Variants in KIAA1549L observed in about 807,000 individuals in gnomAD.
The protein encoded by KIAA1549L is KIAA1549 like.
Under a neutral mutation model 160.7 loss-of-function variants are expected in KIAA1549L, and 88 were observed. The observed-to-expected ratio is 0.55, with a 90% confidence interval of 0.46 to 0.65. KIAA1549L has a LOEUF of 0.65. Ranked by LOEUF, KIAA1549L falls within the 30% of genes least tolerant of loss-of-function variation. The pLI is 0.00. For synonymous variants in KIAA1549L, 950 were observed against 976.7 expected (o/e 0.97, Z 0.51); for missense variants, 2,258 against 2,437.5 (o/e 0.93, Z 1.55).
intron 1 of KIAA1549L, among the ~76,000 whole-genome samples, chr11:33,537,439 T>C (rs1349176261): frequency 6.6e-6 from 1 of 151,766 alleles, no homozygotes; most frequent in Non-Finnish European, 1.5e-5. Flanking sequence ...AGATGGAAGG[T>C]AGAAAAGGAG....
At chr11:33,462,299 T>C (rs188223851) in intron 1 of KIAA1549L, among the ~76,000 whole-genome samples, 1 of 152,248 alleles carries the variant, frequency 6.6e-6, no homozygotes, top group Non-Finnish European at 1.5e-5. Flanking sequence ...GTTACATTCA[T>C]GGACTACATG....
In KIAA1549L at chr11:33,401,308, G is replaced by T. The variant is rs1270823503; in HGVS notation, c.238+24419G>T. Among the ~76,000 whole-genome samples the T allele has an allele frequency of 4.1e-5, 6 of 146,226 alleles. No homozygotes were observed. The East Asian group carries it at 7.9e-4, about 19-fold the overall frequency. On this transcript the variant is annotated intron_variant, in intron 1 of 20. Transcript: ENST00000658780. ...ATATTTATATATAAAATATATAATA[G>T]ATATAAAATATACATATATTTGAAG...
At chr11:33,523,593 A>G (rs910896400) in intron 1 of KIAA1549L, among the ~76,000 whole-genome samples, 6 of 152,216 alleles carry the variant, frequency 3.9e-5, no homozygotes, top group Admixed American at 1.3e-4. Flanking sequence ...TCATGTACCA[A>G]TGTAGATGGT....
chr11:33,608,371 A>G (rs903067842), intron 14 of KIAA1549L, among the ~76,000 whole-genome samples: 10 of 152,278 alleles, frequency 6.6e-5, no homozygotes, highest in African/African-American at 1.2e-4. Context: ...CAGCCAGTGA[A>G]GAAAGATCAT....
intron 1 of KIAA1549L, among the ~76,000 whole-genome samples, chr11:33,533,668 G>T (rs1036142805): frequency 1.3e-5 from 2 of 152,130 alleles, no homozygotes; most frequent in Non-Finnish European, 2.9e-5. Flanking sequence ...AGCTTGTCTG[G>T]CTCAGACAAG....
intron 1 of KIAA1549L, among the ~76,000 whole-genome samples, chr11:33,530,385 G>T (rs1332263602): frequency 7.5e-6 from 1 of 133,242 alleles, no homozygotes; most frequent in Non-Finnish European, 1.6e-5. Flanking sequence ...CTGGGCAACA[G>T]AGCGAGACTC....
intron 15 of KIAA1549L, among the ~76,000 whole-genome samples, chr11:33,610,577 A>G (rs1850622897): frequency 6.6e-6 from 1 of 152,228 alleles, no homozygotes; most frequent in Non-Finnish European, 1.5e-5. Context: ...AGACAGTCCT[A>G]TTGCTGCTCT....
At chr11:33,616,469 A>G (rs1019397460) in intron 15 of KIAA1549L, among the ~76,000 whole-genome samples, 7 of 152,156 alleles carry the variant, frequency 4.6e-5, no homozygotes, top group East Asian at 3.9e-4. Flanking sequence ...TCACATGCCT[A>G]CCCCTGGAGG....
chr11:33,562,860 T>G (rs1854913741), intron 8 of KIAA1549L, among the ~76,000 whole-genome samples: 1 of 151,810 alleles, frequency 6.6e-6, no homozygotes, highest in Admixed American at 6.6e-5. Context: ...TTTGTATTTT[T>G]AGTAGAGATG....
At chr11:33,458,180 G>A (rs1440096269) in intron 1 of KIAA1549L, among the ~76,000 whole-genome samples, 9 of 152,242 alleles carry the variant, frequency 5.9e-5, no homozygotes, top group Admixed American at 5.9e-4. Flanking sequence ...GGCAAAGAAG[G>A]TGGGGCCAGC....
intron 1 of KIAA1549L, among the ~76,000 whole-genome samples, chr11:33,486,984 A>G (rs2133058977): frequency 6.6e-6 from 1 of 152,348 alleles, no homozygotes; most frequent in South Asian, 2.1e-4. Flanking sequence ...TAAGCATTTT[A>G]AACAGAGCCT....
chr11:33,464,473 C>CAT (rs1491061246), intron 1 of KIAA1549L, among the ~76,000 whole-genome samples: 2 of 91,338 alleles, frequency 2.2e-5, no homozygotes, highest in Admixed American at 1.1e-4. Flanking sequence ...GCTGTGTGTG[C>CAT]ATGTGTGTGT....
intron 1 of KIAA1549L, among the ~76,000 whole-genome samples, chr11:33,398,231 G>T (rs890923803): frequency 2.0e-5 from 3 of 150,622 alleles, no homozygotes; most frequent in Non-Finnish European, 4.4e-5. Context: ...CTGGTGGTTA[G>T]CTATTAGATA....
chr11:33,624,534 TAATG>T (rs1851043284), intron 16 of KIAA1549L, among the ~76,000 whole-genome samples: 1 of 152,172 alleles, frequency 6.6e-6, no homozygotes, highest in South Asian at 2.1e-4. Flanking sequence ...TATGTGCACT[TAATG>T]TATGTAAATT....
At chr11:33,454,913 C>A (rs1159384969) in intron 1 of KIAA1549L, among the ~76,000 whole-genome samples, 2 of 152,062 alleles carry the variant, frequency 1.3e-5, no homozygotes, top group East Asian at 1.9e-4. Context: ...CACGGTGAAA[C>A]CCCGTCTCTA....
intron 1 of KIAA1549L, among the ~76,000 whole-genome samples, chr11:33,452,448 A>T (rs1431669310): frequency 6.6e-6 from 1 of 152,114 alleles, no homozygotes; most frequent in Non-Finnish European, 1.5e-5. Flanking sequence ...TCTACTAAAA[A>T]TACAAAAAAA....
At chr11:33,615,793 T>C (rs1276603914) in intron 15 of KIAA1549L, among the ~76,000 whole-genome samples, 2 of 152,238 alleles carry the variant, frequency 1.3e-5, no homozygotes, top group African/African-American at 4.8e-5. Flanking sequence ...TAGTATTTAC[T>C]CCACCACCAC....
At chr11:33,447,831 A>G (rs1261207064) in intron 1 of KIAA1549L, among the ~76,000 whole-genome samples, 2 of 152,164 alleles carry the variant, frequency 1.3e-5, no homozygotes, top group African/African-American at 4.8e-5. Flanking sequence ...TTAGGAGCTC[A>G]ATAAATCTGT....
chr11:33,423,101 T>C (rs1851051770), intron 1 of KIAA1549L, among the ~76,000 whole-genome samples: 1 of 152,238 alleles, frequency 6.6e-6, no homozygotes, highest in African/African-American at 2.4e-5. Flanking sequence ...ATGCGAGGAC[T>C]TCAGAAATTT....
Sources: allele counts gnomAD v4.1 joint callset (sites outside exome capture counted in the v4.1 genomes callset), GRCh38; gene constraint gnomAD v4.1.1; transcripts MANE v1.5; gene names NCBI Gene and HGNC (gene_info 2026-07-23, HGNC 2026-07-21).